FCER2: variants seen among roughly 807,000 people sequenced by gnomAD.
FCER2 encodes Fc epsilon receptor II, also known as low affinity immunoglobulin epsilon Fc receptor.
A neutral mutation model predicts 49.7 loss-of-function variants in FCER2; 38 were observed. The ratio of observed to expected loss-of-function variants is 0.76; its 90% CI spans 0.59 to 1.00. The LOEUF (loss-of-function observed/expected upper bound fraction) is 1.00, where lower values mean the gene tolerates loss of function less well. Ranked by LOEUF, FCER2 falls within the 50% of genes least tolerant of loss-of-function variation. FCER2 has a pLI of 0.00. For missense variants in FCER2, 425 were observed against 419.5 expected (o/e 1.01, Z -0.11); for synonymous variants, 163 against 164.6 (o/e 0.99, Z 0.07).
chr19:7,701,504 T>C (rs1177181290), intron 1 of FCER2, among the ~76,000 whole-genome samples: 1 of 152,136 alleles, frequency 6.6e-6, no homozygotes, highest in Non-Finnish European at 1.5e-5. Flanking sequence ...CCTCATTCTG[T>C]GGGGCCTCTC....
intron 8 of FCER2, among the ~76,000 whole-genome samples, chr19:7,691,091 T>TTAA (rs2032856478): frequency 6.6e-6 from 1 of 151,892 alleles, no homozygotes; most frequent in African/African-American, 2.4e-5. Flanking sequence ...CCCTCAACCA[T>TTAA]CAACACCATG....
rs185030060 is a variant in FCER2, at chr19:7,698,576, G to T, written c.136+165C>A. ...TGTGGGGTGAGGGGCTCTGGAGGGTGGGGGATGGGAAAGGGCTGGCAGTGG... is the reference window on the plus strand; with the variant it reads ...TGTGGGGTGAGGGGCTCTGGAGGGTTGGGGATGGGAAAGGGCTGGCAGTGG... On this transcript the variant is annotated intron_variant, in intron 3 of 10. Coordinates refer to ENST00000597921, the MANE Select transcript of FCER2 (RefSeq NM_001220500.2). 8 of 915,644 alleles carry T rather than the reference G, an allele frequency of 8.7e-6. No homozygotes were observed. In the African/African-American group the frequency reaches 9.8e-5, roughly 11 times the overall value. The allele number at this position is 915,644 out of a possible 1,614,324, so 56.7% of individuals were successfully genotyped here.
chr19:7,691,141 G>A (rs1416780357), intron 8 of FCER2, among the ~76,000 whole-genome samples: 157 of 70,808 alleles, frequency 2.2e-3, no homozygotes, highest in African/African-American at 4.2e-3. Context: ...TTCAACCATC[G>A]TCATAACCAC....
At chr19:7,696,452 T>C (rs1041472448) in intron 8 of FCER2, among the ~76,000 whole-genome samples, 5 of 152,162 alleles carry the variant, frequency 3.3e-5, no homozygotes, top group African/African-American at 9.7e-5. Flanking sequence ...GTCAGGCTGG[T>C]CTCGAACTCC....
chr19:7,690,199 C>G lies in FCER2; in HGVS notation c.688G>C (p.Gly230Arg), dbSNP rs1323813287. The change falls in exon 10 of 11, where the codon GGG (glycine) becomes CGG (arginine). Residue 230 changes from glycine to arginine, a missense_variant. Gly to Arg is a moderately radical substitution (Grantham distance 125). Transcript: ENST00000597921. ...CTCCCATCCACCCAGATAAACTCCC[C>G]CTTCAGGTCCAAGTTCCGAAGGCCA... ...WIGLRNLDLK[G>R]EFIWVDGSHV... 2 of 1,614,054 alleles carry G rather than the reference C, an allele frequency of 1.2e-6. No homozygotes were observed. Among genetic ancestry groups the G allele is most frequent in the Non-Finnish European group, 1.7e-6 (2 of 1,179,900 alleles).
chr19:7,699,614 C>T, intron 2 of FCER2, 125 bp downstream of exon 2: 2 of 1,242,804 alleles, frequency 1.6e-6, no homozygotes, highest in South Asian at 2.5e-5. Context: ...TCACACCAGT[C>T]CCTTTCTTAG....
At chr19:7,697,693 C>G in intron 4 of FCER2, 104 bp from the exon 5 acceptor site, 1 of 854,850 alleles carries the variant, frequency 1.2e-6, no homozygotes, top group Non-Finnish European at 1.9e-6. Context: ...GTCACAACAG[C>G]TGCTGTTGCT....
Position 7,697,092 on chromosome 19 carries a change from C to T in FCER2, c.317-17G>A, listed in dbSNP as rs750401656. 8.7e-6 allele frequency: 14 copies of T among 1,613,326 alleles called. No homozygotes were observed. Among genetic ancestry groups the T allele is most frequent in the South Asian group, 6.6e-5 (6 of 91,002 alleles). ...GCTCCAAGTCTGGTGTGTGCAGGAG[C>T]GCAGGGCTGGTCTCAGGGAGGATGT... On this transcript the variant is annotated splice_polypyrimidine_tract_variant and intron_variant, in intron 6 of 10. Transcript: ENST00000597921.
At chr19:7,696,519 A>G (rs1400299190) in intron 8 of FCER2, among the ~76,000 whole-genome samples, 2 of 152,096 alleles carry the variant, frequency 1.3e-5, no homozygotes, top group African/African-American at 2.4e-5. Context: ...TACAGGTGTG[A>G]GCCACCGCGC....
At chr19:7,698,935 C>T in intron 2 of FCER2, 81 bp from the exon 3 acceptor site, 4 of 1,444,188 alleles carry the variant, frequency 2.8e-6, no homozygotes, top group Non-Finnish European at 3.8e-6. Flanking sequence ...TACCCAGAGC[C>T]CCCGACAGCC....
At chr19:7,694,185 C>A (rs1398436125) in intron 8 of FCER2, among the ~76,000 whole-genome samples, 5 of 152,140 alleles carry the variant, frequency 3.3e-5, no homozygotes, top group Admixed American at 3.3e-4. Context: ...GTACTCAGCC[C>A]TCTGGAGGTG....
intron 8 of FCER2, among the ~76,000 whole-genome samples, chr19:7,694,138 G>T (rs992197147): frequency 2.0e-5 from 3 of 152,160 alleles, no homozygotes; most frequent in Admixed American, 2.0e-4. Context: ...GCAGTAGCTT[G>T]AGATGAGTGT....
At chr19:7,698,461 A>G (rs754400270) in intron 3 of FCER2, 52 bp from the exon 4 acceptor site, 1 of 1,357,420 alleles carries the variant, frequency 7.4e-7, no homozygotes, top group Admixed American at 1.8e-5. Flanking sequence ...CAGTGCCCCC[A>G]CCTGCCTGCA....
In FCER2 at chr19:7,698,218, G is replaced by A. The variant is rs758046632; in HGVS notation, c.190+138C>T. 88 of 595,808 alleles carry A rather than the reference G, an allele frequency of 1.5e-4. 2 individuals are homozygous for A. The highest frequency in any genetic ancestry group is 9.2e-4 in the Admixed American group (27 of 29,486). 36.9% of individuals were successfully genotyped at this position (595,808 alleles called of 1,614,324 possible). On this transcript the variant is annotated intron_variant, in intron 4 of 10. Coordinates refer to ENST00000597921, the MANE Select transcript of FCER2 (RefSeq NM_001220500.2). ...CTTTTCCAAGCTTCCCTGGGTCCCC[G>A]CCTTCCCTAGGACAGGGAGCAACTT... is the stretch of plus-strand genomic sequence containing the variant.
intron 8 of FCER2, 140 bp downstream of exon 8, chr19:7,696,685 T>G: frequency 1.5e-6 from 1 of 652,572 alleles, no homozygotes; most frequent in Admixed American, 2.7e-5. Flanking sequence ...TATATCTTTG[T>G]GTCCTCCCGA....
At chr19:7,689,487 G>C (rs910274311) in intron 10 of FCER2, 57 bp from the exon 11 acceptor site, 1 of 1,159,672 alleles carries the variant, frequency 8.6e-7, no homozygotes, top group South Asian at 1.4e-5. Flanking sequence ...CCCAGTTCCC[G>C]GCAGCCCTCT....
chr19:7,688,935 G>T lies in FCER2; in HGVS notation c.*258C>A, dbSNP rs2032775701. 4.3e-6 allele frequency: 2 copies of T among 470,490 alleles called. No homozygotes were observed. Among genetic ancestry groups the T allele is most frequent in the Non-Finnish European group, 7.8e-6 (2 of 255,844 alleles). 29.1% of individuals were successfully genotyped at this position (470,490 alleles called of 1,614,324 possible). On this transcript the variant is annotated 3_prime_UTR_variant, in exon 11 of 11. Coordinates refer to ENST00000597921, the MANE Select transcript of FCER2 (RefSeq NM_001220500.2). ...CTCATCTGGAGAGGGTGCTGTTGGG[G>T]TGTACTCTCATCTGGAGAGGGTGCT...
rs138488307 is a variant in FCER2 at position 7,690,196 on chromosome 19, C to T, written c.691G>A (p.Glu231Lys). ...TGGCTCCCATCCACCCAGATAAACT[C>T]CCCCTTCAGGTCCAAGTTCCGAAGG... is the stretch of plus-strand genomic sequence containing the variant. ...IGLRNLDLKG[E>K]FIWVDGSHVD... Residue 231 changes from glutamate (E) to lysine (K), a missense_variant, in exon 10 of 11, where the codon GAG becomes AAG. Glu to Lys is a moderately conservative substitution (Grantham distance 56). Transcript: ENST00000597921. 14 of 1,613,968 alleles carry T rather than the reference C, an allele frequency of 8.7e-6. No homozygotes were observed. In the South Asian group the frequency reaches 1.5e-4, roughly 18 times the overall value.
chr19:7,692,504 A>G (rs1385931889), intron 8 of FCER2, among the ~76,000 whole-genome samples: 1 of 151,372 alleles, frequency 6.6e-6, no homozygotes, highest in Non-Finnish European at 1.5e-5. Context: ...GCACGAGCAC[A>G]TTCACATCCA....
Sources: gnomAD v4.1 joint callset for allele counts (sites outside exome capture counted in the v4.1 genomes callset) on GRCh38, gnomAD v4.1.1 for gene constraint, MANE v1.5 for transcripts, NCBI Gene and HGNC (gene_info 2026-07-23, HGNC 2026-07-21) for gene names.